EPSTI1: variants seen among roughly 807,000 people sequenced by gnomAD.
The protein encoded by EPSTI1 is epithelial-stromal interaction protein 1.
A neutral mutation model predicts 49.9 loss-of-function variants in EPSTI1; 66 were observed. The ratio of observed to expected loss-of-function variants is 1.32; its 90% CI spans 1.08 to 1.62. The LOEUF is 1.62. EPSTI1 is among the 40% of genes most tolerant of loss of function. The pLI is 0.00. For missense variants in EPSTI1, 394 were observed against 365.5 expected (o/e 1.08, Z -0.64); for synonymous variants, 137 against 130.7 (o/e 1.05, Z -0.33).
chr13:42,964,220 T>C (rs2039543137), intron 3 of EPSTI1, 81 bp from the exon 4 acceptor site: 3 of 1,052,196 alleles, frequency 2.9e-6, no homozygotes, highest in Non-Finnish European at 4.2e-6. Flanking sequence ...TAATATATAA[T>C]AAATCTATAA....
chr13:42,976,921 T>G (rs2039892918), intron 1 of EPSTI1, among the ~76,000 whole-genome samples: 1 of 152,258 alleles, frequency 6.6e-6, no homozygotes, highest in Non-Finnish European at 1.5e-5. Context: ...CTGTACATCC[T>G]GCTTTCATTT....
At chr13:42,983,994 A>C (rs2040034991) in intron 1 of EPSTI1, among the ~76,000 whole-genome samples, 1 of 152,238 alleles carries the variant, frequency 6.6e-6, no homozygotes, top group African/African-American at 2.4e-5. Flanking sequence ...TTTCAAAAAT[A>C]AGTCAAATAG....
Position 42,979,101 on chromosome 13 carries a change from T to C in EPSTI1, c.189-8431A>G, listed in dbSNP as rs1484336472. On this transcript the variant is annotated intron_variant, in intron 1 of 10. Coordinates refer to ENST00000313624, the MANE Select transcript of EPSTI1 (RefSeq NM_033255.5). ...GCATGATTCTGAGCCCAGGCTTTTT[T>C]CATTAAATTATGTATTAACGTATAA... is the stretch of plus-strand genomic sequence containing the variant. Among the ~76,000 whole-genome samples the C allele has an allele frequency of 3.3e-5, 5 of 152,222 alleles. No homozygotes were observed. In the South Asian group the frequency reaches 1.0e-3, roughly 32 times the overall value.
At chr13:42,961,419 G>T (rs780430698) in intron 5 of EPSTI1, among the ~76,000 whole-genome samples, 5 of 152,190 alleles carry the variant, frequency 3.3e-5, no homozygotes, top group Non-Finnish European at 7.3e-5. Context: ...AACATCACTA[G>T]AAGTATATAT....
chr13:42,990,865 A>C (rs1045243815), intron 1 of EPSTI1, among the ~76,000 whole-genome samples: 6 of 152,260 alleles, frequency 3.9e-5, no homozygotes, highest in Non-Finnish European at 8.8e-5. Context: ...CCATCTGGAC[A>C]GTTCCAATTC....
chr13:42,938,693 C>G (rs1314071997), intron 6 of EPSTI1, among the ~76,000 whole-genome samples: 1 of 151,916 alleles, frequency 6.6e-6, no homozygotes, highest in African/African-American at 2.4e-5. Context: ...GTGGGCGGAT[C>G]ACCTGAGGTC....
intron 8 of EPSTI1, among the ~76,000 whole-genome samples, chr13:42,915,032 A>AAACTT (rs1478548440): frequency 6.6e-6 from 1 of 152,268 alleles, no homozygotes; most frequent in Non-Finnish European, 1.5e-5. Context: ...GCTGTCACCT[A>AAACTT]AACTTAACCT....
At position 42,988,828 on chromosome 13, in the gene EPSTI1, T is replaced by A. The variant is rs908445495; in HGVS notation, c.188+3150A>T. ...TAGCCACAGATTTTTACTAGTATAC[T>A]TTCTTTCTATGCAAATAGGTGGTTT... On this transcript the variant is annotated intron_variant, in intron 1 of 10. Transcript: ENST00000313624. Among the ~76,000 whole-genome samples the A allele has an allele frequency of 2.7e-5, 4 of 146,618 alleles. No homozygotes were observed. The East Asian group carries it at 7.9e-4, about 29-fold the overall frequency.
chr13:42,986,934 A>T (rs2040096014), intron 1 of EPSTI1, among the ~76,000 whole-genome samples: 1 of 152,080 alleles, frequency 6.6e-6, no homozygotes, highest in African/African-American at 2.4e-5. Flanking sequence ...ACATCAAAGT[A>T]TCTACCTAGA....
At position 42,946,047 on chromosome 13, in the gene EPSTI1, G is replaced by C. The variant is rs182106030; in HGVS notation, c.563+7901C>G. On this transcript the variant is annotated intron_variant, in intron 6 of 10. Coordinates refer to ENST00000313624, the MANE Select transcript of EPSTI1 (RefSeq NM_033255.5). ...AGGCTGGATTTAAGCCTACCATATGGGTAAGGGATCAACTGAGCCCTTAAG... is the reference window on the plus strand; with the variant it reads ...AGGCTGGATTTAAGCCTACCATATGCGTAAGGGATCAACTGAGCCCTTAAG... Among the ~76,000 whole-genome samples the C allele has an allele frequency of 1.8e-3, 268 of 152,224 alleles. 2 individuals carry two copies. The highest frequency in any genetic ancestry group is 6.3e-3 in the African/African-American group (260 of 41,532).
chr13:42,901,426 C>G (rs2037349153), intron 8 of EPSTI1, among the ~76,000 whole-genome samples: 1 of 152,160 alleles, frequency 6.6e-6, no homozygotes, highest in South Asian at 2.1e-4. Context: ...TCATCAATCC[C>G]TAAAGCACAT....
intron 5 of EPSTI1, among the ~76,000 whole-genome samples, chr13:42,961,905 T>C (rs1166584830): frequency 2.6e-5 from 4 of 152,190 alleles, no homozygotes; most frequent in East Asian, 1.9e-4. Flanking sequence ...GATGTCCATG[T>C]GTGTGTTTGC....
At chr13:42,939,321 T>C (rs1420293613) in intron 6 of EPSTI1, among the ~76,000 whole-genome samples, 1 of 152,248 alleles carries the variant, frequency 6.6e-6, no homozygotes, top group African/African-American at 2.4e-5. Context: ...TTTCTTTTGC[T>C]TCACAACTTG....
In EPSTI1 at chr13:42,922,155, T is replaced by C. The variant is rs934281593; in HGVS notation, c.657+4181A>G. Among the ~76,000 whole-genome samples, 1 of 152,074 alleles carries C rather than the reference T, an allele frequency of 6.6e-6. No homozygotes were observed. The highest frequency in any genetic ancestry group is 2.4e-5 in the African/African-American group (1 of 41,396). On this transcript the variant is annotated intron_variant, in intron 7 of 10. Coordinates refer to ENST00000313624, the MANE Select transcript of EPSTI1 (RefSeq NM_033255.5). The surrounding 1 kb of genome is among the most constrained non-coding windows in gnomAD (Gnocchi z 4.8). ...GAGAGGAAGAAATGAGTTAATAAGGTCTAAAATTGATTAGTCAAGAGATAC... is the reference window on the plus strand; with the variant it reads ...GAGAGGAAGAAATGAGTTAATAAGGCCTAAAATTGATTAGTCAAGAGATAC...
intron 3 of EPSTI1, among the ~76,000 whole-genome samples, chr13:42,965,394 C>T (rs2039575443): frequency 1.3e-5 from 2 of 152,194 alleles, no homozygotes; most frequent in Admixed American, 1.3e-4. Context: ...AAATGAGAAT[C>T]CTGCTCATTT....
At position 42,888,470 on chromosome 13, in the gene EPSTI1, G is replaced by A. The variant is rs762301158; in HGVS notation, c.*24C>T. The A allele has an allele frequency of 2.7e-5, 44 of 1,613,814 alleles. 1 individual carries two copies. In the South Asian group the frequency reaches 4.8e-4, roughly 18 times the overall value. On this transcript the variant is annotated 3_prime_UTR_variant, in exon 11 of 11. Coordinates refer to ENST00000313624, the MANE Select transcript of EPSTI1 (RefSeq NM_033255.5). The stretch of plus-strand genomic sequence containing the variant: ...AGGCTTTTCGAGGTCAGTTGATGAA[G>A]GCCAGATAGGAGTCAATATTTTCTC...
intron 10 of EPSTI1, among the ~76,000 whole-genome samples, chr13:42,893,846 A>T (rs2037110960): frequency 6.6e-6 from 1 of 152,166 alleles, no homozygotes; most frequent in South Asian, 2.1e-4. Context: ...AATGTCTTCA[A>T]CTCACAATGG....
intron 8 of EPSTI1, among the ~76,000 whole-genome samples, chr13:42,907,312 A>T (rs2153414286): frequency 6.6e-6 from 1 of 152,274 alleles, no homozygotes; most frequent in South Asian, 2.1e-4. Flanking sequence ...TATTTCTATT[A>T]TGTTATTAAA....
At chr13:42,893,045 T>A (rs1040908690) in intron 10 of EPSTI1, among the ~76,000 whole-genome samples, 5 of 152,200 alleles carry the variant, frequency 3.3e-5, no homozygotes, top group African/African-American at 1.2e-4. Context: ...TGAACATTTT[T>A]AGTGACCATG....
Sources: allele counts gnomAD v4.1 joint callset (sites outside exome capture counted in the v4.1 genomes callset), GRCh38; gene constraint gnomAD v4.1.1; non-coding constraint Gnocchi (gnomAD v3.1); transcripts MANE v1.5; gene names NCBI Gene and HGNC (gene_info 2026-07-23, HGNC 2026-07-21).